EXOC4: variants seen among roughly 807,000 people sequenced by gnomAD.
EXOC4 encodes exocyst complex component 4, also known as SEC8-like 1.
Under a neutral mutation model 107.2 loss-of-function variants are expected in EXOC4, and 71 were observed. The ratio of observed to expected loss-of-function variants is 0.66; its 90% CI spans 0.55 to 0.81. The LOEUF (loss-of-function observed/expected upper bound fraction) is 0.81, where lower values mean the gene tolerates loss of function less well. Ranked by LOEUF, EXOC4 falls within the 30% of genes least tolerant of loss-of-function variation. The probability of loss-of-function intolerance (pLI) is 0.00; values close to 1 mark genes in which losing one functional copy is unlikely to be tolerated. For missense variants in EXOC4, 1,108 were observed against 1,189.6 expected (o/e 0.93, Z 1.01); for synonymous variants, 456 against 441.2 (o/e 1.03, Z -0.42).
intron 11 of EXOC4, among the ~76,000 whole-genome samples, chr7:133,869,470 A>G (rs893100531): frequency 1.3e-5 from 2 of 152,152 alleles, no homozygotes; most frequent in Admixed American, 1.3e-4. Context: ...CCTGCTTAGC[A>G]TAATCCCTGG....
intron 11 of EXOC4, among the ~76,000 whole-genome samples, chr7:133,833,055 T>C (rs1797843759): frequency 6.7e-6 from 1 of 149,690 alleles, no homozygotes. Context: ...CACACACATA[T>C]GCACACACAT....
chr7:133,995,464 C>T (rs767153607), intron 14 of EXOC4, among the ~76,000 whole-genome samples: 7 of 152,188 alleles, frequency 4.6e-5, no homozygotes, highest in Non-Finnish European at 8.8e-5. Context: ...TTTGAAATAT[C>T]ATAGTTGTAT....
At chr7:133,396,857 A>C (rs751041563) in intron 7 of EXOC4, among the ~76,000 whole-genome samples, 13 of 152,226 alleles carry the variant, frequency 8.5e-5, no homozygotes, top group Non-Finnish European at 1.6e-4. Context: ...GTTTGCTTCT[A>C]TTCAGTACCA....
intron 11 of EXOC4, among the ~76,000 whole-genome samples, chr7:133,875,829 T>A (rs1462739009): frequency 1.3e-5 from 2 of 152,214 alleles, no homozygotes; most frequent in South Asian, 2.1e-4. Context: ...TTCATTCATG[T>A]CTACCATGAT....
intron 11 of EXOC4, among the ~76,000 whole-genome samples, chr7:133,820,748 C>T (rs1002264844): frequency 1.3e-5 from 2 of 152,196 alleles, no homozygotes; most frequent in African/African-American, 4.8e-5. Flanking sequence ...TCAGCCCAGC[C>T]GGATTCTCCA....
chr7:133,535,886 A>G (rs1800261111), intron 9 of EXOC4, among the ~76,000 whole-genome samples: 1 of 152,156 alleles, frequency 6.6e-6, no homozygotes, highest in African/African-American at 2.4e-5. Flanking sequence ...TGTCAACATC[A>G]TCTCTTTCTT....
intron 17 of EXOC4, among the ~76,000 whole-genome samples, chr7:134,061,847 C>T (rs1796066406): frequency 6.6e-6 from 1 of 152,162 alleles, no homozygotes; most frequent in African/African-American, 2.4e-5. Flanking sequence ...CTTCTTCCTG[C>T]AGCATCAAGT....
At chr7:133,285,578 C>A (rs1013281644) in intron 2 of EXOC4, among the ~76,000 whole-genome samples, 1 of 151,982 alleles carries the variant, frequency 6.6e-6, no homozygotes, top group African/African-American at 2.4e-5. Context: ...CTGTTTTTTC[C>A]TTTTTTTCTT....
Position 134,007,804 on chromosome 7 carries a change from A to G in EXOC4, c.2656A>G (p.Met886Val), listed in dbSNP as rs201940150. The change falls in exon 17 of 18, where the codon ATG becomes GTG. Residue 886 changes from methionine to valine, a missense_variant. Met to Val is a conservative substitution (Grantham distance 21, BLOSUM62 1). Coordinates refer to ENST00000253861, the MANE Select transcript of EXOC4 (RefSeq NM_021807.4). ...TCAGCAGAATTTGACCAACATCACCATGTCGCGGGAGGCAGACCTGGACTT... is the reference window on the plus strand; with the variant it reads ...TCAGCAGAATTTGACCAACATCACCGTGTCGCGGGAGGCAGACCTGGACTT... ...VLQQNLTNIT[M>V]SREADLDFAR... 300 of 1,613,454 alleles carry G rather than the reference A, an allele frequency of 1.9e-4. No homozygotes were observed. Among genetic ancestry groups the G allele is most frequent in the Admixed American group, 3.3e-4 (20 of 59,942 alleles).
chr7:133,287,512 A>G (rs1281909927), intron 2 of EXOC4, among the ~76,000 whole-genome samples: 2 of 151,962 alleles, frequency 1.3e-5, no homozygotes, highest in Admixed American at 6.6e-5. Context: ...AGAGGGTTTC[A>G]CCGTGTTAGC....
At chr7:133,786,910 T>C (rs1796580998) in intron 10 of EXOC4, among the ~76,000 whole-genome samples, 1 of 152,244 alleles carries the variant, frequency 6.6e-6, no homozygotes, top group Non-Finnish European at 1.5e-5. Context: ...GTGCTAGAAT[T>C]GTAGAAAACA....
chr7:133,657,038 TG>T (rs1292565794), intron 10 of EXOC4, among the ~76,000 whole-genome samples: 2 of 152,172 alleles, frequency 1.3e-5, no homozygotes, highest in African/African-American at 4.8e-5. Context: ...CTTGTCTTTT[TG>T]TTCTTAGTCT....
At chr7:133,404,098 CT>C (rs1032144165) in intron 7 of EXOC4, among the ~76,000 whole-genome samples, 2 of 151,876 alleles carry the variant, frequency 1.3e-5, no homozygotes, top group Admixed American at 1.3e-4. Flanking sequence ...CCCTCCTTAA[CT>C]TTTTTTTGTT....
intron 11 of EXOC4, among the ~76,000 whole-genome samples, chr7:133,853,931 G>A (rs1798294138): frequency 2.0e-5 from 3 of 152,158 alleles, no homozygotes; most frequent in African/African-American, 2.4e-5. Flanking sequence ...GAGTATTCAC[G>A]AACAAGGTTT....
intron 10 of EXOC4, among the ~76,000 whole-genome samples, chr7:133,660,230 C>G (rs1218208660): frequency 6.6e-6 from 1 of 151,572 alleles, no homozygotes; most frequent in African/African-American, 2.4e-5. Flanking sequence ...CCAAGCATAC[C>G]TTCTGAGACT....
intron 9 of EXOC4, among the ~76,000 whole-genome samples, chr7:133,609,314 T>C (rs1449584234): frequency 6.6e-6 from 1 of 152,228 alleles, no homozygotes; most frequent in Non-Finnish European, 1.5e-5. Flanking sequence ...AAATTGAACT[T>C]GTAGCTGTTC....
intron 7 of EXOC4, among the ~76,000 whole-genome samples, chr7:133,450,768 T>G (rs1259361285): frequency 6.6e-6 from 1 of 152,224 alleles, no homozygotes; most frequent in Admixed American, 6.5e-5. Context: ...AAATAATAAA[T>G]GAATTACTAA....
chr7:133,714,933 TGTGGTATGATGGG>T (rs1278248689), intron 10 of EXOC4, among the ~76,000 whole-genome samples: 1 of 152,190 alleles, frequency 6.6e-6, no homozygotes, highest in East Asian at 1.9e-4. Context: ...CGTTTTTCTC[TGTGGTATGATGGG>T]GTAGGTTATA....
intron 10 of EXOC4, among the ~76,000 whole-genome samples, chr7:133,688,657 TAAAAC>T (rs1794358016): frequency 6.6e-6 from 1 of 152,130 alleles, no homozygotes. Context: ...CTTAGAAAAA[TAAAAC>T]GTTCATACAT....
Sources: allele counts gnomAD v4.1 joint callset (sites outside exome capture counted in the v4.1 genomes callset), GRCh38; gene constraint gnomAD v4.1.1; transcripts MANE v1.5; gene names NCBI Gene and HGNC (gene_info 2026-07-23, HGNC 2026-07-21).